Variants in CTNNA1 observed in about 807,000 individuals in gnomAD.
CTNNA1 encodes catenin alpha-1.
Under a neutral mutation model 98.4 loss-of-function variants are expected in CTNNA1, and 37 were observed. The observed-to-expected ratio is 0.38, with a 90% CI of 0.29 to 0.49. The LOEUF (loss-of-function observed/expected upper bound fraction) is 0.49. Ranked by LOEUF, CTNNA1 falls within the 20% of genes least tolerant of loss-of-function variation. The probability of loss-of-function intolerance (pLI) is 0.95; values close to 1 mark genes in which losing one functional copy is unlikely to be tolerated. For missense variants in CTNNA1, 761 were observed against 1,147.2 expected (o/e 0.66, Z 4.86); for synonymous variants, 404 against 413.2 (o/e 0.98, Z 0.27).
chr5:138,796,060 A>G (rs1191033709), intron 3 of CTNNA1, among the ~76,000 whole-genome samples: 4 of 152,190 alleles, frequency 2.6e-5, no homozygotes, highest in African/African-American at 9.6e-5. Context: ...CTTCTACAAC[A>G]TAATTTTTAA....
intron 7 of CTNNA1, among the ~76,000 whole-genome samples, chr5:138,856,888 G>A (rs984751625): frequency 1.3e-5 from 2 of 152,192 alleles, no homozygotes; most frequent in Non-Finnish European, 2.9e-5. Context: ...GAGAAATTGT[G>A]TATCTTTTCA....
At chr5:138,822,357 A>G (rs150159730) in intron 5 of CTNNA1, among the ~76,000 whole-genome samples, 297 of 152,334 alleles carry the variant, frequency 1.9e-3, no homozygotes, top group African/African-American at 6.9e-3. Flanking sequence ...TGTGTTGAAT[A>G]GTAATTATGG....
chr5:138,760,774 C>T (rs1286315703), intron 1 of CTNNA1, among the ~76,000 whole-genome samples: 5 of 152,146 alleles, frequency 3.3e-5, no homozygotes, highest in Admixed American at 6.5e-5. Flanking sequence ...TTTATCATCA[C>T]CTGTGGTACA....
intron 7 of CTNNA1, among the ~76,000 whole-genome samples, chr5:138,832,925 C>G (rs1761414006): frequency 6.6e-6 from 1 of 152,160 alleles, no homozygotes; most frequent in African/African-American, 2.4e-5. Context: ...GGGCTCTATG[C>G]TTTATACAGC....
At chr5:138,894,225 G>T (rs1202945552) in intron 9 of CTNNA1, among the ~76,000 whole-genome samples, 1 of 149,454 alleles carries the variant, frequency 6.7e-6, no homozygotes, top group African/African-American at 2.5e-5. Flanking sequence ...GGCCTCTGAT[G>T]TTTAAAAAAT....
intron 7 of CTNNA1, chr5:138,869,247 A>T (rs1189287782): frequency 1.3e-5 from 2 of 151,830 alleles, no homozygotes; most frequent in Non-Finnish European, 2.9e-5. Flanking sequence ...AATGTTTGCA[A>T]TAGCAGAATG....
chr5:138,840,835 G>A (rs553370249), intron 7 of CTNNA1, among the ~76,000 whole-genome samples: 10 of 152,026 alleles, frequency 6.6e-5, no homozygotes, highest in African/African-American at 2.4e-4. Flanking sequence ...TTGTGTGTTC[G>A]GTTTGTCTGC....
intron 7 of CTNNA1, among the ~76,000 whole-genome samples, chr5:138,843,371 GTGTTAGCA>G (rs1762429694): frequency 6.6e-6 from 1 of 152,082 alleles, no homozygotes; most frequent in African/African-American, 2.4e-5. Flanking sequence ...AGTTGAGTAG[GTGTTAGCA>G]TGTTAGATGT....
intron 1 of CTNNA1, among the ~76,000 whole-genome samples, chr5:138,778,294 G>C (rs1277600464): frequency 6.6e-6 from 1 of 152,072 alleles, no homozygotes; most frequent in Non-Finnish European, 1.5e-5. Context: ...GCGCCCGGCT[G>C]CTTTGACATT....
intron 11 of CTNNA1, among the ~76,000 whole-genome samples, chr5:138,924,264 G>A (rs1177952641): frequency 6.7e-6 from 1 of 149,652 alleles, no homozygotes; most frequent in Non-Finnish European, 1.5e-5. Context: ...TTTTTTTTGT[G>A]TGTGTTTTTT....
intron 3 of CTNNA1, among the ~76,000 whole-genome samples, chr5:138,784,182 G>C (rs1229121258): frequency 6.6e-6 from 1 of 152,204 alleles, no homozygotes; most frequent in Non-Finnish European, 1.5e-5. Context: ...GGGATTGCAG[G>C]CATGAGCCAC....
At position 138,874,877 on chromosome 5, in the gene CTNNA1, A is replaced by G; in HGVS notation, c.1063-11335A>G. On this transcript the variant is annotated intron_variant, in intron 7 of 17. Transcript: ENST00000302763. This position sits in a 1 kb window ranked among gnomAD's most constrained non-coding sequence, Gnocchi z 4.1. ...TTTTAAAAGCGTGATTCCTTGTTGA[A>G]TGTACAAGACATATAAATGCACAGA... The G allele has an allele frequency of 1.3e-6, 2 of 1,591,182 alleles. No homozygotes were observed. Among genetic ancestry groups the G allele is most frequent in the African/African-American group, 1.3e-5 (1 of 74,180 alleles).
In CTNNA1 at chr5:138,924,698, C is replaced by T. The variant is rs1466982820; in HGVS notation, c.1735C>T (p.Leu579Phe). ...GAAGGTTCTGGAAGCCACTAAGCTG[C>T]TCTCCAACACAGGTACGGGAACTCT... ...TEKVLEATKL[L>F]SNTVMPRFTE... is the part of the protein sequence containing the mutation. Residue 579 changes from leucine to phenylalanine, a missense_variant, in exon 12 of 18, where the codon CTC (leucine) becomes TTC (phenylalanine). This residue lies in a region of CTNNA1 where 287 missense variants were observed against 436.0 expected (regional missense o/e 0.66). Coordinates refer to ENST00000302763, the MANE Select transcript of CTNNA1 (RefSeq NM_001903.5). 1.3e-6 allele frequency: 2 copies of T among 1,576,190 alleles called. No individual in the cohort carries two copies. Among genetic ancestry groups the T allele is most frequent in the South Asian group, 1.2e-5 (1 of 86,232 alleles).
intron 5 of CTNNA1, among the ~76,000 whole-genome samples, chr5:138,823,479 G>A (rs1004289547): frequency 1.3e-5 from 2 of 152,098 alleles, no homozygotes; most frequent in South Asian, 4.1e-4. Context: ...ACTGACCTGC[G>A]AACTGTTTAA....
chr5:138,918,742 T>C (rs1272345256), intron 11 of CTNNA1, among the ~76,000 whole-genome samples: 1 of 152,248 alleles, frequency 6.6e-6, no homozygotes. Flanking sequence ...TCTGTTGCCC[T>C]TGGCTGCATG....
intron 1 of CTNNA1, chr5:138,753,770 G>T (rs770460474): frequency 7.6e-4 from 218 of 287,458 alleles, no homozygotes; most frequent in Middle Eastern, 2.0e-3. Flanking sequence ...CGGGAAGTCG[G>T]GGGGCCGCCT....
intron 7 of CTNNA1, among the ~76,000 whole-genome samples, chr5:138,842,413 T>C (rs1762349299): frequency 6.6e-6 from 1 of 152,260 alleles, no homozygotes; most frequent in South Asian, 2.1e-4. Context: ...TCTGTATTTT[T>C]GCTGAAAAAT....
chr5:138,933,414 T>C (rs1419136560), intron 17 of CTNNA1, among the ~76,000 whole-genome samples: 3 of 152,216 alleles, frequency 2.0e-5, no homozygotes, highest in Admixed American at 6.5e-5. Flanking sequence ...ATTGAACATA[T>C]TGAGACCATT....
intron 1 of CTNNA1, among the ~76,000 whole-genome samples, chr5:138,763,074 T>A (rs1752542217): frequency 6.8e-6 from 1 of 147,530 alleles, no homozygotes; most frequent in Admixed American, 7.1e-5. Flanking sequence ...GCTCATCAAC[T>A]CTCTTGAAAG....
Sources: gnomAD v4.1 joint callset for allele counts (sites outside exome capture counted in the v4.1 genomes callset) on GRCh38, gnomAD v4.1.1 for gene constraint, gnomAD v4.1.1 regional missense constraint, Gnocchi (gnomAD v3.1) non-coding constraint, MANE v1.5 for transcripts, NCBI Gene and HGNC (gene_info 2026-07-23, HGNC 2026-07-21) for gene names.